TMEM63A: variants seen among roughly 807,000 people sequenced by gnomAD.
TMEM63A encodes mechanosensitive cation channel TMEM63A.
Under a neutral mutation model 100.6 loss-of-function variants are expected in TMEM63A, and 76 were observed. That is an observed-to-expected ratio of 0.76 (90% CI 0.63 to 0.91). The LOEUF (loss-of-function observed/expected upper bound fraction) is 0.91. Ranked by LOEUF, TMEM63A falls within the 40% of genes least tolerant of loss-of-function variation. The pLI is 0.00. For synonymous variants in TMEM63A, 401 were observed against 401.1 expected, an observed-to-expected ratio of 1.00 and a Z score of 0.00; for missense variants, 876 against 1,008.8, an observed-to-expected ratio of 0.87 and a Z score of 1.78.
At chr1:225,852,809 C>T (rs963355210) in intron 19 of TMEM63A, 40 bp from the exon 20 acceptor site, 7 of 1,560,362 alleles carry the variant, frequency 4.5e-6, no homozygotes, top group African/African-American at 1.4e-5. Flanking sequence ...GGACTTGTTC[C>T]ACCTCAAACA....
intron 14 of TMEM63A, chr1:225,860,569 TTTC>T (rs1669887228): frequency 3.4e-6 from 1 of 291,748 alleles, no homozygotes; most frequent in Non-Finnish European, 6.3e-6. Flanking sequence ...ATTTCAACTG[TTTC>T]TTTTTACTTT....
At chr1:225,848,600 C>G (rs767493638) in intron 22 of TMEM63A, 46 bp from the exon 23 acceptor site, 4 of 1,600,740 alleles carry the variant, frequency 2.5e-6, no homozygotes, top group Non-Finnish European at 3.4e-6. Flanking sequence ...AAACTGATCT[C>G]TGTGAACAAA....
rs965524719 is a variant in TMEM63A, at chr1:225,846,410, C to G, written c.*529G>C. ...ATGATACAAAAACACAGAACTCTAGCGGGATACAGAGATGTGTGCACAGCT... is the reference window on the plus strand; with the variant it reads ...ATGATACAAAAACACAGAACTCTAGGGGGATACAGAGATGTGTGCACAGCT... On this transcript the variant is annotated 3_prime_UTR_variant, in exon 25 of 25. Transcript: ENST00000366835. The G allele has an allele frequency of 6.6e-6, 1 of 152,506 alleles. No individual in the cohort carries two copies. Among genetic ancestry groups the G allele is most frequent in the Non-Finnish European group, 1.5e-5 (1 of 68,276 alleles). 9.4% of individuals were successfully genotyped at this position (152,506 alleles called of 1,614,324 possible).
At position 225,845,694 on chromosome 1, in the gene TMEM63A, C is replaced by A; in HGVS notation, c.*1245G>T. 2.4e-6 allele frequency: 1 copy of A among 413,326 alleles called. No homozygotes were observed. Among genetic ancestry groups the A allele is most frequent in the Non-Finnish European group, 4.5e-6 (1 of 220,886 alleles). 25.6% of individuals were successfully genotyped at this position (413,326 alleles called of 1,614,324 possible). ...CTGGGGATGAGGCCACTGGCCAGGG[C>A]TATGCTGCACCAGACCAATGGCACC... is the stretch of plus-strand genomic sequence containing the variant. On this transcript the variant is annotated 3_prime_UTR_variant, in exon 25 of 25. Coordinates refer to ENST00000366835, the MANE Select transcript of TMEM63A (RefSeq NM_014698.3).
At chr1:225,858,977 TGTGTGTGTGTG>T (rs1183945863) in intron 15 of TMEM63A, among the ~76,000 whole-genome samples, 3 of 151,616 alleles carry the variant, frequency 2.0e-5, no homozygotes, top group Non-Finnish European at 4.4e-5. Context: ...TGTGTGTGTG[TGTGTGTGTGTG>T]TGTGTGTGTA....
intron 20 of TMEM63A, among the ~76,000 whole-genome samples, chr1:225,851,596 T>C (rs116112121): frequency 0.026 from 4,011 of 152,184 alleles, 72 homozygotes; most frequent in South Asian, 0.038. Flanking sequence ...TCTTGAACTT[T>C]TGACCTCAGG....
In TMEM63A at chr1:225,867,293, G is replaced by C; in HGVS notation, c.515-130C>G. 1 of 943,846 alleles carries C rather than the reference G, an allele frequency of 1.1e-6. No individual in the cohort carries two copies. Among genetic ancestry groups the C allele is most frequent in the Non-Finnish European group, 1.7e-6 (1 of 578,548 alleles). The allele number at this position is 943,846 out of a possible 1,614,324, so 58.5% of individuals were successfully genotyped here. A position where few individuals can be genotyped will look rare whatever the true frequency, so the allele number is the denominator to read the frequency against. On this transcript the variant is annotated intron_variant, in intron 7 of 24. Transcript: ENST00000366835. The surrounding 1 kb of genome is among the most constrained non-coding windows in gnomAD (Gnocchi z 4.6). ...CTGGACCAGCAGGAAGACAACGTCT[G>C]ACTGGTCTTTCCAGAGCTACACCAT...
chr1:225,850,217 C>T, intron 20 of TMEM63A, 138 bp from the exon 21 acceptor site: 1 of 929,068 alleles, frequency 1.1e-6, no homozygotes, highest in Non-Finnish European at 1.6e-6. Flanking sequence ...CAAAATGAGG[C>T]ATCCTGCACC....
chr1:225,871,224 A>G (rs1399044106), intron 5 of TMEM63A, 111 bp from the exon 6 acceptor site: 2 of 1,163,628 alleles, frequency 1.7e-6, no homozygotes, highest in African/African-American at 3.1e-5. Flanking sequence ...TGTATAAAAA[A>G]CAGTGCTTTT....
Position 225,865,485 on chromosome 1 carries a change from C to T in TMEM63A, c.746+412G>A, listed in dbSNP as rs948152954. 3.0e-5 allele frequency: 5 copies of T among 164,840 alleles called. No individual in the cohort carries two copies. Among genetic ancestry groups the T allele is most frequent in the East Asian group, 3.2e-4 (2 of 6,218 alleles). 10.2% of individuals were successfully genotyped at this position (164,840 alleles called of 1,614,324 possible). A position where few individuals can be genotyped will look rare whatever the true frequency, so the allele number is the denominator to read the frequency against. Reference sequence around the variant, plus strand: ...AAACGAACAAACGCAGAGATGGCCCCGAGGTCCTTCCACCTGTGAGACCCT... The same window carrying T: ...AAACGAACAAACGCAGAGATGGCCCTGAGGTCCTTCCACCTGTGAGACCCT... On this transcript the variant is annotated intron_variant, in intron 10 of 24. Coordinates refer to ENST00000366835, the MANE Select transcript of TMEM63A (RefSeq NM_014698.3). This position sits in a 1 kb window ranked among gnomAD's most constrained non-coding sequence, Gnocchi z 4.6.
chr1:225,855,518 C>A (rs1669570673), intron 18 of TMEM63A, among the ~76,000 whole-genome samples: 1 of 152,146 alleles, frequency 6.6e-6, no homozygotes, highest in African/African-American at 2.4e-5. Context: ...TCCTGGCTGC[C>A]ATCTTTAATT....
At chr1:225,880,597 A>G (rs1671041053) in intron 1 of TMEM63A, among the ~76,000 whole-genome samples, 1 of 152,074 alleles carries the variant, frequency 6.6e-6, no homozygotes, top group East Asian at 1.9e-4. Context: ...GCCTTCCAGA[A>G]ATTCTCCATT....
At position 225,852,752 on chromosome 1, in the gene TMEM63A, G is replaced by A. The variant is rs894597311; in HGVS notation, c.1815C>T (p.Tyr605=). 1.6e-5 allele frequency: 26 copies of A among 1,613,936 alleles called. No homozygotes were observed. The highest frequency in any genetic ancestry group is 2.1e-5 in the Non-Finnish European group (25 of 1,180,008). Residue 605 remains tyrosine, a synonymous_variant, in exon 20 of 25, where the codon TAC becomes TAT. Coordinates refer to ENST00000366835, the MANE Select transcript of TMEM63A (RefSeq NM_014698.3). ...TCCATGCATACATGGCTCCAAACTCGTACTGGAAGGCCTGGTTCTGGGAGG... is the reference window on the plus strand; with the variant it reads ...TCCATGCATACATGGCTCCAAACTCATACTGGAAGGCCTGGTTCTGGGAGG... The part of the protein sequence containing the change: ...RNVKQNQAFQ[Y]EFGAMYAWML...
In TMEM63A at chr1:225,862,286, T is replaced by C. The variant is rs375216322; in HGVS notation, c.1017A>G (p.Glu339=). Residue 339 remains glutamate, a synonymous_variant, in exon 13 of 25, where the codon GAA becomes GAG. Transcript: ENST00000366835. This position sits in a 1 kb window ranked among gnomAD's most constrained non-coding sequence, Gnocchi z 5.1. ...DRLLERITEE[E]RHVQDQPLGM... is the part of the protein sequence containing the mutation. Reference sequence around the variant, plus strand: ...CCAGGGGCTGGTCCTGGACGTGGCGTTCTTCCTCTGTGATCCTCTCCAGCA... The same window carrying C: ...CCAGGGGCTGGTCCTGGACGTGGCGCTCTTCCTCTGTGATCCTCTCCAGCA... 35 of 1,614,072 alleles carry C rather than the reference T, an allele frequency of 2.2e-5. No homozygotes were observed. The highest frequency in any genetic ancestry group is 2.9e-5 in the Non-Finnish European group (34 of 1,180,036).
intron 18 of TMEM63A, among the ~76,000 whole-genome samples, chr1:225,854,146 AGAAATG>A (rs1669495547): frequency 5.4e-5 from 2 of 37,044 alleles, no homozygotes; most frequent in African/African-American, 1.0e-4. Flanking sequence ...ATATTCGTGC[AGAAATG>A]TGAAGAGGTG....
rs1670259237 is a variant in TMEM63A at position 225,867,217 on chromosome 1, G to A, written c.515-54C>T. 6.3e-7 allele frequency: 1 copy of A among 1,585,092 alleles called. No homozygotes were observed. Among genetic ancestry groups the A allele is most frequent in the Non-Finnish European group, 8.7e-7 (1 of 1,153,684 alleles). ...AGGGTCATGTGGGGAAGCAGGAGGG[G>A]GCGTAACCAATCAGCCTTGGTTTGT... On this transcript the variant is annotated intron_variant, in intron 7 of 24. Coordinates refer to ENST00000366835, the MANE Select transcript of TMEM63A (RefSeq NM_014698.3). The surrounding 1 kb of genome is among the most constrained non-coding windows in gnomAD (Gnocchi z 4.6).
Position 225,865,598 on chromosome 1 carries a change from C to A in TMEM63A, c.746+299G>T. 2 of 307,620 alleles carry A rather than the reference C, an allele frequency of 6.5e-6. No homozygotes were observed. The highest frequency in any genetic ancestry group is 6.3e-6 in the Non-Finnish European group (1 of 158,760). 19.1% of individuals were successfully genotyped at this position (307,620 alleles called of 1,614,324 possible). On this transcript the variant is annotated intron_variant, in intron 10 of 24. Transcript: ENST00000366835. The surrounding 1 kb of genome is among the most constrained non-coding windows in gnomAD (Gnocchi z 4.6). ...AGAACCCCGGGGTCAACAATTTTTT[C>A]CCCCGTATGCTCTCAAGACGTTTAT...
chr1:225,850,117 G>C, intron 20 of TMEM63A, 38 bp from the exon 21 acceptor site: 1 of 1,609,538 alleles, frequency 6.2e-7, no homozygotes, highest in Non-Finnish European at 8.5e-7. Flanking sequence ...GACCTCGCAG[G>C]GCCACACAGA....
intron 8 of TMEM63A, 116 bp downstream of exon 8, chr1:225,866,996 G>A (rs750623192): frequency 1.0e-4 from 105 of 1,019,992 alleles, no homozygotes; most frequent in Non-Finnish European, 1.5e-4. Context: ...AGCTGCAAGG[G>A]GCCTTCAGAT....
Sources: allele counts gnomAD v4.1 joint callset (sites outside exome capture counted in the v4.1 genomes callset), GRCh38; gene constraint gnomAD v4.1.1; non-coding constraint Gnocchi (gnomAD v3.1); transcripts MANE v1.5; gene names NCBI Gene and HGNC (gene_info 2026-07-23, HGNC 2026-07-21).